Variants in SLC44A5 observed in about 807,000 individuals in gnomAD.
SLC44A5 encodes the protein choline transporter-like protein 5.
SLC44A5 carries 57 observed loss-of-function variants against 101.8 expected under a neutral mutation model. The observed-to-expected ratio is 0.56, with a 90% confidence interval of 0.45 to 0.70. The LOEUF (loss-of-function observed/expected upper bound fraction) is 0.70, where lower values mean the gene tolerates loss of function less well. Among genes scored for constraint, SLC44A5 ranks in the 30% least tolerant of loss-of-function variants. SLC44A5 has a pLI of 0.00. For synonymous variants in SLC44A5, 281 were observed against 290.9 expected, an observed-to-expected ratio of 0.97 and a Z score of 0.35; for missense variants, 737 against 853.1, an observed-to-expected ratio of 0.86 and a Z score of 1.70.
chr1:75,631,359 C>G, the SLC44A5 span, among the ~76,000 whole-genome samples: 1 of 151,770 alleles, frequency 6.6e-6, no homozygotes, highest in Non-Finnish European at 1.5e-5. Flanking sequence ...TGTGACTTCC[C>G]TAAGACAGAG....
intron 1 of SLC44A5, among the ~76,000 whole-genome samples, chr1:75,582,873 A>C (rs1346253497): frequency 6.6e-6 from 1 of 152,160 alleles, no homozygotes; most frequent in Non-Finnish European, 1.5e-5. Flanking sequence ...TGGGCCCTTC[A>C]TTATTAATTA....
At chr1:75,719,179 A>C in the SLC44A5 span, among the ~76,000 whole-genome samples, 2 of 152,202 alleles carry the variant, frequency 1.3e-5, no homozygotes, top group Non-Finnish European at 2.9e-5. Context: ...TAACAGGATC[A>C]GAAATCTCAA....
At chr1:75,241,880 G>T (rs1570448676) in intron 9 of SLC44A5, 121 bp downstream of exon 9, 30 of 755,644 alleles carry the variant, frequency 4.0e-5, no homozygotes, top group Admixed American at 2.3e-5. Context: ...TCAACTCTGG[G>T]ACTTTAGGCA....
At position 75,361,822 on chromosome 1, in the gene SLC44A5, C is replaced by T. The variant is rs1017902388; in HGVS notation, c.53-22192G>A. Among the ~76,000 whole-genome samples the T allele has an allele frequency of 2.6e-5, 4 of 151,826 alleles. No homozygotes were observed. The South Asian group carries it at 6.2e-4, about 24-fold the overall frequency. On this transcript the variant is annotated intron_variant, in intron 3 of 23. Transcript: ENST00000370859. ...CTGTAATTTTCTTTTTCTGAGGTGTCCTTGTCTGGCTTTTTATCAGGTTAA... is the reference window on the plus strand; with the variant it reads ...CTGTAATTTTCTTTTTCTGAGGTGTTCTTGTCTGGCTTTTTATCAGGTTAA...
At chr1:75,253,557 T>G (rs922264996) in intron 6 of SLC44A5, among the ~76,000 whole-genome samples, 2 of 152,218 alleles carry the variant, frequency 1.3e-5, no homozygotes, top group African/African-American at 4.8e-5. Context: ...AGTGCTAACT[T>G]GGCTATTTCA....
intron 10 of SLC44A5, 101 bp downstream of exon 10, chr1:75,238,412 A>ATATATATATATATATATATATG (rs1443013609): frequency 2.4e-5 from 8 of 334,092 alleles, no homozygotes; most frequent in African/African-American, 1.8e-4. Flanking sequence ...ATATATATAT[A>ATATATATATATATATATATATG]TGTGATTATT....
intron 2 of SLC44A5, among the ~76,000 whole-genome samples, chr1:75,479,611 T>C (rs1667691786): frequency 6.6e-6 from 1 of 152,224 alleles, no homozygotes. Flanking sequence ...CATCAGAGAA[T>C]ACTACAAACA....
Position 75,571,983 on chromosome 1 carries a change from T to C in SLC44A5, c.-69-30467A>G, listed in dbSNP as rs72973927. On this transcript the variant is annotated intron_variant, in intron 1 of 23. Coordinates refer to ENST00000370859, the MANE Select transcript of SLC44A5 (RefSeq NM_001130058.2). ...ACTAAGTGCTAGAAGACAGTGAATTTATGCTTTCAAAGTTCTGAAAAAAAT... is the reference window on the plus strand; with the variant it reads ...ACTAAGTGCTAGAAGACAGTGAATTCATGCTTTCAAAGTTCTGAAAAAAAT... Among the ~76,000 whole-genome samples, 1,320 of 152,298 alleles carry C rather than the reference T, an allele frequency of 8.7e-3. 21 individuals are homozygous for C. The highest frequency in any genetic ancestry group is 0.031 in the African/African-American group (1,282 of 41,556).
intron 2 of SLC44A5, among the ~76,000 whole-genome samples, chr1:75,406,108 C>G (rs1662846340): frequency 6.6e-6 from 1 of 152,032 alleles, no homozygotes; most frequent in Non-Finnish European, 1.5e-5. Flanking sequence ...ACTAGAAAAT[C>G]CAGAAGAAAT....
the SLC44A5 span, among the ~76,000 whole-genome samples, chr1:75,684,363 G>T: frequency 6.6e-6 from 1 of 152,056 alleles, no homozygotes; most frequent in Non-Finnish European, 1.5e-5. Context: ...CTTCCCAACA[G>T]TCTCCCAAAG....
intron 5 of SLC44A5, among the ~76,000 whole-genome samples, chr1:75,298,184 G>A (rs1048492971): frequency 1.3e-5 from 2 of 152,024 alleles, no homozygotes; most frequent in Admixed American, 1.3e-4. Flanking sequence ...AGTAACCTCT[G>A]CCATAGTTTC....
intron 9 of SLC44A5, among the ~76,000 whole-genome samples, chr1:75,239,971 C>T (rs934004957): frequency 1.3e-5 from 2 of 152,038 alleles, no homozygotes; most frequent in African/African-American, 2.4e-5. Flanking sequence ...TATTTCTGTG[C>T]ACTCTTTCCC....
At chr1:75,223,831 T>C (rs926370646) in intron 13 of SLC44A5, among the ~76,000 whole-genome samples, 17 of 152,214 alleles carry the variant, frequency 1.1e-4, no homozygotes, top group African/African-American at 4.1e-4. Context: ...TATGTTTTCA[T>C]GTACATTTTA....
At chr1:75,340,459 TA>T (rs1165469982) in intron 3 of SLC44A5, among the ~76,000 whole-genome samples, 2 of 152,196 alleles carry the variant, frequency 1.3e-5, no homozygotes, top group African/African-American at 4.8e-5. Context: ...TGGTCCTGAA[TA>T]AAAGATAAAA....
intron 3 of SLC44A5, among the ~76,000 whole-genome samples, chr1:75,390,332 A>G (rs1358674510): frequency 6.6e-6 from 1 of 151,920 alleles, no homozygotes; most frequent in Admixed American, 6.6e-5. Context: ...TTCTGATACC[A>G]AAATCTGGCA....
chr1:75,254,166 G>A (rs1427514262), intron 6 of SLC44A5, among the ~76,000 whole-genome samples: 6 of 152,108 alleles, frequency 3.9e-5, no homozygotes, highest in African/African-American at 1.4e-4. Context: ...GGCCTTCTGA[G>A]TAGATGGGAT....
chr1:75,415,317 G>GTTTT (rs1663568029), intron 2 of SLC44A5, among the ~76,000 whole-genome samples: 1 of 152,114 alleles, frequency 6.6e-6, no homozygotes. Context: ...GATCTGATGG[G>GTTTT]TTTAAAAATG....
chr1:75,549,948 G>A (rs1671848652), intron 1 of SLC44A5, among the ~76,000 whole-genome samples: 1 of 152,050 alleles, frequency 6.6e-6, no homozygotes. Flanking sequence ...TGAGAAAAGA[G>A]AAGCAGATTG....
intron 3 of SLC44A5, among the ~76,000 whole-genome samples, chr1:75,363,903 G>A (rs906178154): frequency 1.3e-5 from 2 of 152,148 alleles, no homozygotes; most frequent in Non-Finnish European, 2.9e-5. Context: ...GAAAGGTTTT[G>A]TGTTCCTCAT....
Sources: allele counts gnomAD v4.1 joint callset (sites outside exome capture counted in the v4.1 genomes callset), GRCh38; gene constraint gnomAD v4.1.1; transcripts MANE v1.5; gene names NCBI Gene and HGNC (gene_info 2026-07-23, HGNC 2026-07-21).